Variants in PSG7 observed in about 807,000 individuals in gnomAD.
PSG7 encodes the protein pregnancy-specific beta-1-glycoprotein 7.
A neutral mutation model predicts 45.6 loss-of-function variants in PSG7; 57 were observed. That is an observed-to-expected ratio of 1.25 (90% confidence interval 1.01 to 1.56). The LOEUF is 1.56. Ranked by LOEUF, PSG7 falls within the 40% of genes most tolerant of loss-of-function variation. The probability of loss-of-function intolerance (pLI) is 0.00; values close to 1 mark genes in which losing one functional copy is unlikely to be tolerated. For missense variants in PSG7, 796 were observed against 508.4 expected (o/e 1.57, Z -5.44); for synonymous variants, 298 against 194.4 (o/e 1.53, Z -4.43).
chr19:42,934,708 G>A (rs1355324334), intron 2 of PSG7, among the ~76,000 whole-genome samples: 1 of 151,578 alleles, frequency 6.6e-6, no homozygotes, highest in East Asian at 1.9e-4. Flanking sequence ...TCTCTCTTCT[G>A]TTTCTGCTTC....
intron 3 of PSG7, 29 bp downstream of exon 3, chr19:42,929,413 T>A: frequency 5.0e-6 from 8 of 1,612,048 alleles, no homozygotes; most frequent in Non-Finnish European, 6.8e-6. Context: ...GATGGCAGCC[T>A]GGCTAACAGA....
At position 42,926,127 on chromosome 19, in the gene PSG7, C is replaced by A. The variant is rs149161630; in HGVS notation, c.989-100G>T. The stretch of plus-strand genomic sequence containing the variant: ...GAGTGACCCTCTGAGCCGAGACACA[C>A]CCTCAAGTGACAGCCAAATCCCCTC... On this transcript the variant is annotated intron_variant, in intron 4 of 5. Coordinates refer to ENST00000406070, the MANE Select transcript of PSG7 (RefSeq NM_002783.3). 76 of 1,521,930 alleles carry A rather than the reference C, an allele frequency of 5.0e-5. 5 individuals are homozygous for A. In the South Asian group the frequency reaches 5.3e-4, roughly 11 times the overall value. 94.3% of individuals were successfully genotyped at this position (1,521,930 alleles called of 1,614,324 possible). A position where few individuals can be genotyped will look rare whatever the true frequency, so the allele number is the denominator to read the frequency against.
In PSG7 at chr19:42,929,633, G is replaced by A. The variant is rs769597166; in HGVS notation, c.518C>T (p.Thr173Ile). 9.9e-6 allele frequency: 16 copies of A among 1,612,462 alleles called. No homozygotes were observed. Among genetic ancestry groups the A allele is most frequent in the Non-Finnish European group, 8.5e-6 (10 of 1,179,248 alleles). Reference protein sequence around the residue: ...EAVILTCDPETPDASYLWWMN... With the variant: ...EAVILTCDPEIPDASYLWWMN... ...CCACCACAGGTAGCTTGCATCTGGA[G>A]TCTCAGGATCACAGGTTAAAATCAC... is the stretch of plus-strand genomic sequence containing the variant. The change falls in exon 3 of 6, where the codon ACT (threonine) becomes ATT (isoleucine). Residue 173 changes from threonine to isoleucine, a missense_variant. Transcript: ENST00000406070.
chr19:42,929,194 A>G (rs920459219), intron 3 of PSG7: 1 of 884,446 alleles, frequency 1.1e-6, no homozygotes, highest in Non-Finnish European at 1.7e-6. Context: ...AGCCTGAGAC[A>G]TTCACCTGTT....
At position 42,933,303 on chromosome 19, in the gene PSG7, A is replaced by ATT. The variant is rs1418931958; in HGVS notation, c.430+2100_430+2101insAA. Among the ~76,000 whole-genome samples, 129 of 14,818 alleles carry ATT rather than the reference A, an allele frequency of 8.7e-3. 1 individual carries two copies. The highest frequency in any genetic ancestry group is 0.017 in the Non-Finnish European group (116 of 6,746). The allele number at this position is 14,818 out of a possible 152,430, so 9.7% of individuals were successfully genotyped here. On this transcript the variant is annotated intron_variant, in intron 2 of 5. Transcript: ENST00000406070. ...TATATATATATATATATATATATAT[A>ATT]TATATTTTTTTTTTTTTTTGGTGTA...
Position 42,929,392 on chromosome 19 carries a change from T to C in PSG7, c.709+50A>G, listed in dbSNP as rs371739216. The C allele has an allele frequency of 1.6e-5, 26 of 1,611,588 alleles. 1 individual carries two copies. The South Asian group carries it at 2.3e-4, about 14-fold the overall frequency. ...GACTGAGAAGCCCGGCCTCTGGCCA[T>C]GTGTATTTGGGATGGCAGCCTGGCT... On this transcript the variant is annotated intron_variant, in intron 3 of 5. Transcript: ENST00000406070.
rs1972971793 is a variant in PSG7 at position 42,929,596 on chromosome 19, C to G, written c.555G>C (p.Gln185His). ...GCAAGCTGTGAGTCATAGGGAGGCT[C>G]TGACCATTCATCCACCACAGGTAGC... is the stretch of plus-strand genomic sequence containing the variant. ...DASYLWWMNGQSLPMTHSLQL... is the reference protein window; with the variant it reads ...DASYLWWMNGHSLPMTHSLQL... The change falls in exon 3 of 6, where the codon CAG becomes CAC. Residue 185 changes from glutamine to histidine, a missense_variant. Gln to His is a conservative substitution (Grantham distance 24). Transcript: ENST00000406070. 2 of 1,612,600 alleles carry G rather than the reference C, an allele frequency of 1.2e-6. No homozygotes were observed. The highest frequency in any genetic ancestry group is 1.7e-6 in the Non-Finnish European group (2 of 1,179,242).
chr19:42,931,753 C>T (rs556453568), intron 2 of PSG7, among the ~76,000 whole-genome samples: 1 of 151,450 alleles, frequency 6.6e-6, no homozygotes, highest in African/African-American at 2.4e-5. Context: ...CTGGCCACCT[C>T]GATCTGGTCC....
chr19:42,930,797 G>C (rs952250532), intron 2 of PSG7, among the ~76,000 whole-genome samples: 3 of 151,542 alleles, frequency 2.0e-5, no homozygotes, highest in African/African-American at 7.3e-5. Flanking sequence ...CCGTGGGTGT[G>C]TGGTTTCAGT....
chr19:42,933,293 A>ATT (rs1286434390), intron 2 of PSG7, among the ~76,000 whole-genome samples: 5 of 10,544 alleles, frequency 4.7e-4, no homozygotes, highest in African/African-American at 1.1e-3. Context: ...ATATATATAT[A>ATT]TATATATATA....
intron 3 of PSG7, among the ~76,000 whole-genome samples, chr19:42,927,870 G>T (rs562035736): frequency 1.6e-4 from 24 of 151,646 alleles, no homozygotes; most frequent in Middle Eastern, 3.4e-3. Flanking sequence ...TCACAAAGAT[G>T]GAGTATTTCT....
At chr19:42,925,019 T>A (rs1407225373) in intron 5 of PSG7, 195 bp from the exon 6 acceptor site, 3 of 610,440 alleles carry the variant, frequency 4.9e-6, no homozygotes, top group Non-Finnish European at 8.7e-6. Context: ...TTTACATAAG[T>A]GCAGCAAGAG....
chr19:42,933,592 A>G (rs1973080539), intron 2 of PSG7, among the ~76,000 whole-genome samples: 1 of 150,356 alleles, frequency 6.7e-6, no homozygotes, highest in African/African-American at 2.5e-5. Flanking sequence ...GTTAGCGGGA[A>G]GGGAACAGAA....
chr19:42,936,842 C>T lies in PSG7; in HGVS notation c.64+171G>A, dbSNP rs116662275. On this transcript the variant is annotated intron_variant, in intron 1 of 5. Transcript: ENST00000406070. ...TTTTGTATTTTTAGTACAGACAGGG[C>T]TACATTGTGTTGGCCAGACTGATCT... 7.7e-3 allele frequency among the ~76,000 whole-genome samples: 1,171 copies of T among 151,398 alleles called. 39 individuals are homozygous for T. The highest frequency in any genetic ancestry group is 0.026 in the African/African-American group (1,064 of 41,256).
chr19:42,926,240 A>G, intron 4 of PSG7, 198 bp downstream of exon 4: 1 of 1,386,592 alleles, frequency 7.2e-7, no homozygotes, highest in East Asian at 2.4e-5. Context: ...AAGAGCGTCC[A>G]CTCCCCTTAT....
chr19:42,932,620 T>C (rs937641992), intron 2 of PSG7, among the ~76,000 whole-genome samples: 1 of 151,532 alleles, frequency 6.6e-6, no homozygotes, highest in African/African-American at 2.4e-5. Flanking sequence ...ATCTGGCATC[T>C]AGTCTCAGGC....
At chr19:42,928,075 C>CTT (rs531560990) in intron 3 of PSG7, among the ~76,000 whole-genome samples, 1 of 151,180 alleles carries the variant, frequency 6.6e-6, no homozygotes, top group African/African-American at 2.4e-5. Flanking sequence ...TATTCTTGCC[C>CTT]TTTTTTTTCT....
At position 42,926,606 on chromosome 19, in the gene PSG7, A is replaced by G. The variant is rs1452724936; in HGVS notation, c.820T>C (p.Trp274Arg). 6.2e-7 allele frequency: 1 copy of G among 1,610,208 alleles called. No homozygotes were observed. The highest frequency in any genetic ancestry group is 1.3e-5 in the African/African-American group (1 of 74,608). The change falls in exon 4 of 6, where the codon TGG becomes CGG. Residue 274 changes from tryptophan to arginine, a missense_variant. Physicochemically the swap from Trp to Arg is moderately radical, Grantham distance 101. Transcript: ENST00000406070. The stretch of plus-strand genomic sequence containing the variant: ...ACCGGGAGGCTCTGACCATTTAGCC[A>G]CCAAATGTAGGTGTAGTTCTCACTC... ...PKSENYTYIW[W>R]LNGQSLPVSP...
chr19:42,935,814 T>G, intron 1 of PSG7, 45 bp from the exon 2 acceptor site: 2 of 1,567,096 alleles, frequency 1.3e-6, no homozygotes, highest in South Asian at 2.4e-5. Context: ...ACCTATGTGT[T>G]GGGTTGAAAA....
Sources: allele counts gnomAD v4.1 joint callset (sites outside exome capture counted in the v4.1 genomes callset), GRCh38; gene constraint gnomAD v4.1.1; transcripts MANE v1.5; gene names NCBI Gene and HGNC (gene_info 2026-07-23, HGNC 2026-07-21).